SCP2: variants seen among roughly 807,000 people sequenced by gnomAD.
The protein encoded by SCP2 is sterol carrier protein 2.
Under a neutral mutation model 71.4 loss-of-function variants are expected in SCP2, and 48 were observed. That is an observed-to-expected ratio of 0.67 (90% CI 0.53 to 0.86). The LOEUF is 0.86. Ranked by LOEUF, SCP2 falls within the 40% of genes least tolerant of loss-of-function variation. SCP2 has a pLI of 0.00. For missense variants in SCP2, 560 were observed against 655.6 expected, an observed-to-expected ratio of 0.85 and a Z score of 1.59; for synonymous variants, 220 against 218.1, an observed-to-expected ratio of 1.01 and a Z score of -0.08.
At chr1:52,956,739 A>G (rs182443305) in intron 5 of SCP2, among the ~76,000 whole-genome samples, 145 of 152,272 alleles carry the variant, frequency 9.5e-4, no homozygotes, top group South Asian at 1.7e-3. Context: ...GTGAATATAT[A>G]ATGTTTATGA....
chr1:53,021,428 T>C (rs1044773756), intron 12 of SCP2, among the ~76,000 whole-genome samples: 5 of 151,018 alleles, frequency 3.3e-5, no homozygotes, highest in Non-Finnish European at 5.9e-5. Flanking sequence ...GCAATTCTCC[T>C]GCCTCAGCCT....
chr1:52,973,674 A>G (rs2150161426), intron 6 of SCP2, among the ~76,000 whole-genome samples: 1 of 152,262 alleles, frequency 6.6e-6, no homozygotes, highest in East Asian at 1.9e-4. Flanking sequence ...TCCGGGTTCA[A>G]GTGATTCTCC....
chr1:52,987,971 A>G (rs964443860), intron 10 of SCP2, 58 bp from the exon 11 acceptor site: 1 of 900,976 alleles, frequency 1.1e-6, no homozygotes, highest in African/African-American at 1.7e-5. Context: ...TTATAAAAGC[A>G]TATCATTTGT....
intron 1 of SCP2, among the ~76,000 whole-genome samples, chr1:52,932,926 T>C (rs1653295583): frequency 6.6e-6 from 1 of 152,226 alleles, no homozygotes. Flanking sequence ...AGGGAGTAGG[T>C]AAAAAATTCT....
chr1:52,981,220 C>T (rs1658464535), intron 10 of SCP2, among the ~76,000 whole-genome samples: 1 of 152,242 alleles, frequency 6.6e-6, no homozygotes, highest in Admixed American at 6.5e-5. Flanking sequence ...GCGTGAGCCA[C>T]TGCGCCCAGC....
chr1:52,951,032 G>A, intron 4 of SCP2, 146 bp downstream of exon 4: 16 of 912,954 alleles, frequency 1.8e-5, no homozygotes, highest in Non-Finnish European at 2.5e-5. Context: ...TGTAACCCTA[G>A]CACTTTGGGA....
intron 11 of SCP2, among the ~76,000 whole-genome samples, chr1:52,992,138 C>A (rs1339474529): frequency 7.2e-5 from 11 of 152,110 alleles, no homozygotes; most frequent in Non-Finnish European, 1.5e-4. Context: ...TGGGTACAAC[C>A]AAGACCAGAC....
At chr1:52,930,127 G>C (rs545743785) in intron 1 of SCP2, among the ~76,000 whole-genome samples, 1 of 152,156 alleles carries the variant, frequency 6.6e-6, no homozygotes, top group East Asian at 1.9e-4. Context: ...TGAAATTCTG[G>C]TGACCTTATA....
intron 1 of SCP2, among the ~76,000 whole-genome samples, chr1:52,934,067 G>C (rs1653422700): frequency 6.6e-6 from 1 of 152,180 alleles, no homozygotes; most frequent in Non-Finnish European, 1.5e-5. Context: ...GAGATGATTT[G>C]CATTATGAGC....
chr1:52,970,968 A>ATTTTTTTTT (rs1200663958), intron 6 of SCP2, among the ~76,000 whole-genome samples: 1 of 70,968 alleles, frequency 1.4e-5, no homozygotes. Context: ...AGAGACACAG[A>ATTTTTTTTT]TTTTTTTTTT....
chr1:52,991,648 C>T (rs1430187416), intron 11 of SCP2, among the ~76,000 whole-genome samples: 1 of 152,190 alleles, frequency 6.6e-6, no homozygotes, highest in Non-Finnish European at 1.5e-5. Context: ...ATCTGCCTGC[C>T]TCGGCCTCCC....
chr1:52,976,704 A>G lies in SCP2; in HGVS notation c.609A>G (p.Glu203=), dbSNP rs41294530. The G allele has an allele frequency of 0.038, 58,374 of 1,556,374 alleles. 2,378 individuals are homozygous for G. Among genetic ancestry groups the G allele is most frequent in the East Asian group, 0.21 (9,205 of 44,360 alleles). The stretch of plus-strand genomic sequence containing the variant: ...TTAGGTATTCCCAGTTCCAAGATGA[A>G]TACAGTTTAGATGAAGTGATGGCAT... The part of the protein sequence containing the change: ...VNNPYSQFQD[E]YSLDEVMASK... The change falls in exon 8 of 16, where the codon GAA becomes GAG. Residue 203 remains glutamate, a synonymous_variant. Coordinates refer to ENST00000371514, the MANE Select transcript of SCP2 (RefSeq NM_002979.5).
chr1:52,982,711 T>C (rs1658645919), intron 10 of SCP2, among the ~76,000 whole-genome samples: 1 of 152,202 alleles, frequency 6.6e-6, no homozygotes, highest in Admixed American at 6.5e-5. Flanking sequence ...TATAGGTCCA[T>C]TCACTGACTC....
chr1:52,995,819 C>T, intron 11 of SCP2: 1 of 963,896 alleles, frequency 1.0e-6, no homozygotes, highest in Non-Finnish European at 1.7e-6. Context: ...CATCCAGGAG[C>T]TCTTCAGGTG....
chr1:52,979,932 CT>C (rs1360963347), intron 9 of SCP2, among the ~76,000 whole-genome samples: 2 of 151,038 alleles, frequency 1.3e-5, no homozygotes, highest in African/African-American at 4.9e-5. Flanking sequence ...TTCCCTTTCC[CT>C]TTCCTCTCTT....
intron 4 of SCP2, 64 bp downstream of exon 4, chr1:52,950,950 A>G (rs1655236169): frequency 2.0e-6 from 3 of 1,496,466 alleles, no homozygotes; most frequent in Non-Finnish European, 2.8e-6. Flanking sequence ...TCACACGACC[A>G]TCAGAGGAAT....
At chr1:52,961,066 CTTTTT>C (rs774047289) in intron 5 of SCP2, among the ~76,000 whole-genome samples, 1 of 92,196 alleles carries the variant, frequency 1.1e-5, no homozygotes, top group Non-Finnish European at 2.3e-5. Flanking sequence ...TCCTTTGGTT[CTTTTT>C]TTTTTTTTTT....
At chr1:53,036,552 T>C (rs917597770) in intron 13 of SCP2, among the ~76,000 whole-genome samples, 1 of 148,900 alleles carries the variant, frequency 6.7e-6, no homozygotes, top group African/African-American at 2.4e-5. Context: ...ATAATATATA[T>C]GTAGCATATA....
chr1:52,992,218 A>C (rs1389235343), intron 11 of SCP2, among the ~76,000 whole-genome samples: 1 of 151,982 alleles, frequency 6.6e-6, no homozygotes, highest in Non-Finnish European at 1.5e-5. Flanking sequence ...AAAAGTGAAC[A>C]GTGAGAATTA....
Sources: gnomAD v4.1 joint callset for allele counts (sites outside exome capture counted in the v4.1 genomes callset) on GRCh38, gnomAD v4.1.1 for gene constraint, MANE v1.5 for transcripts, NCBI Gene and HGNC (gene_info 2026-07-23, HGNC 2026-07-21) for gene names.